PCOLCE2: variants seen among roughly 807,000 people sequenced by gnomAD.
PCOLCE2 encodes procollagen C-endopeptidase enhancer 2, also known as procollagen C-proteinase enhancer 2.
In PCOLCE2, 42 loss-of-function variants were observed where a neutral mutation model predicts 47.0. That is an observed-to-expected ratio of 0.89 (90% CI 0.70 to 1.16). The LOEUF (loss-of-function observed/expected upper bound fraction) is 1.16. Among genes scored for constraint, PCOLCE2 ranks in the 50% most tolerant of loss-of-function variants. The pLI is 0.00. For synonymous variants in PCOLCE2, 169 were observed against 191.7 expected, an observed-to-expected ratio of 0.88 and a Z score of 0.98; for missense variants, 500 against 526.1, an observed-to-expected ratio of 0.95 and a Z score of 0.49.
At chr3:142,835,218 GC>G (rs1937189540) in intron 5 of PCOLCE2, among the ~76,000 whole-genome samples, 1 of 151,622 alleles carries the variant, frequency 6.6e-6, no homozygotes, top group African/African-American at 2.4e-5. Context: ...TTGTAGATCT[GC>G]CTTTCTTAAT....
chr3:142,841,866 A>T (rs1377742685), intron 4 of PCOLCE2, among the ~76,000 whole-genome samples: 1 of 152,210 alleles, frequency 6.6e-6, no homozygotes, highest in Non-Finnish European at 1.5e-5. Context: ...TGTTTCTAAT[A>T]GTAATAATTT....
chr3:142,841,006 T>C (rs1438099066), intron 4 of PCOLCE2, among the ~76,000 whole-genome samples: 2 of 139,788 alleles, frequency 1.4e-5, no homozygotes, highest in South Asian at 2.2e-4. Flanking sequence ...ACCCGGGAGG[T>C]GGAAGTTGCA....
chr3:142,848,340 T>G lies in PCOLCE2; in HGVS notation c.325A>C (p.Thr109Pro). The G allele has an allele frequency of 6.2e-7, 1 of 1,614,216 alleles. No homozygotes were observed. The highest frequency in any genetic ancestry group is 8.5e-7 in the Non-Finnish European group (1 of 1,180,036). ...NGQRIGRFCG[T>P]FRPGALVSSG... ...GACACAAGGGCTCCAGGCCGGAAAG[T>G]GCCACAGAAGCGGCCAATGCGCTGG... The change falls in exon 3 of 9, where the codon ACT becomes CCT. Residue 109 changes from threonine to proline, a missense_variant. Coordinates refer to ENST00000295992, the MANE Select transcript of PCOLCE2 (RefSeq NM_013363.4).
In PCOLCE2 at chr3:142,842,353, A is replaced by G. The variant is rs16852706; in HGVS notation, c.573+571T>C. 0.33 allele frequency among the ~76,000 whole-genome samples: 50,273 copies of G among 151,996 alleles called. 9,006 individuals carry two copies. The highest frequency in any genetic ancestry group is 0.48 in the African/African-American group (19,748 of 41,436). ...CTGCAGGGTTAAACAATCCTATGTG[A>G]GATCTGCTTACCATTTGTATTTTTA... On this transcript the variant is annotated intron_variant, in intron 4 of 8. Coordinates refer to ENST00000295992, the MANE Select transcript of PCOLCE2 (RefSeq NM_013363.4). The surrounding 1 kb of genome is among the most constrained non-coding windows in gnomAD (Gnocchi z 4.1).
At chr3:142,845,790 C>T (rs1173068822) in intron 3 of PCOLCE2, among the ~76,000 whole-genome samples, 3 of 152,180 alleles carry the variant, frequency 2.0e-5, no homozygotes, top group African/African-American at 4.8e-5. Flanking sequence ...GCCTGGCCAA[C>T]ATGGTGAAAC....
At chr3:142,868,773 AC>A (rs1456481986) in intron 2 of PCOLCE2, among the ~76,000 whole-genome samples, 1 of 152,082 alleles carries the variant, frequency 6.6e-6, no homozygotes, top group Non-Finnish European at 1.5e-5. Context: ...AGGGATAAGA[AC>A]CCCTTCCCCT....
At chr3:142,879,349 A>T (rs1933559642) in intron 2 of PCOLCE2, among the ~76,000 whole-genome samples, 1 of 152,222 alleles carries the variant, frequency 6.6e-6, no homozygotes, top group Admixed American at 6.5e-5. Flanking sequence ...ACACAGCACT[A>T]AAAATACAAG....
intron 6 of PCOLCE2, among the ~76,000 whole-genome samples, chr3:142,823,927 T>A (rs1937044026): frequency 6.6e-6 from 1 of 152,226 alleles, no homozygotes; most frequent in Non-Finnish European, 1.5e-5. Context: ...ACTCTGAGTG[T>A]GTGCCCTGTT....
chr3:142,875,864 T>C (rs1254568752), intron 2 of PCOLCE2, among the ~76,000 whole-genome samples: 1 of 152,044 alleles, frequency 6.6e-6, no homozygotes, highest in Admixed American at 6.6e-5. Flanking sequence ...AAACCAAACA[T>C]AAAGAAGCAA....
At chr3:142,843,088 G>GT in intron 3 of PCOLCE2, 40 bp from the exon 4 acceptor site, 1 of 1,599,890 alleles carries the variant, frequency 6.3e-7, no homozygotes, top group African/African-American at 1.3e-5. Context: ...ACAAGTTTAT[G>GT]TAGGTTACAG....
chr3:142,866,845 A>C (rs527645283), intron 2 of PCOLCE2, among the ~76,000 whole-genome samples: 1 of 152,372 alleles, frequency 6.6e-6, no homozygotes, highest in South Asian at 2.1e-4. Flanking sequence ...CCAGACCTGC[A>C]AGCATTGACA....
At chr3:142,869,814 T>C (rs1486951313) in intron 2 of PCOLCE2, among the ~76,000 whole-genome samples, 2 of 152,342 alleles carry the variant, frequency 1.3e-5, no homozygotes, top group East Asian at 1.9e-4. Flanking sequence ...CATGTAATGA[T>C]TGATGCCTTA....
rs1032298158 is a variant in PCOLCE2, at chr3:142,818,156, A to T, written c.*179T>A. On this transcript the variant is annotated 3_prime_UTR_variant, in exon 9 of 9. Coordinates refer to ENST00000295992, the MANE Select transcript of PCOLCE2 (RefSeq NM_013363.4). The stretch of plus-strand genomic sequence containing the variant: ...GCTGCTCCTCTGACAGCAGGCAAAG[A>T]ACTTCCCTCAGCTATCTCGGAGGCC... 6 of 525,502 alleles carry T rather than the reference A, an allele frequency of 1.1e-5. No individual in the cohort carries two copies. The highest frequency in any genetic ancestry group is 9.6e-5 in the African/African-American group (5 of 51,882). The allele number at this position is 525,502 out of a possible 1,614,324, so 32.6% of individuals were successfully genotyped here.
rs114497021 is a variant in PCOLCE2, at chr3:142,882,616, G to A, written c.192+5053C>T. The stretch of plus-strand genomic sequence containing the variant: ...TTTAGAGAAGAGGTCTCACTCTGTC[G>A]CCCAGCCTGGAGTGCAACGGTGTAA... On this transcript the variant is annotated intron_variant, in intron 2 of 8. Coordinates refer to ENST00000295992, the MANE Select transcript of PCOLCE2 (RefSeq NM_013363.4). 9.2e-3 allele frequency among the ~76,000 whole-genome samples: 1,395 copies of A among 151,050 alleles called. 15 individuals are homozygous for A. Among genetic ancestry groups the A allele is most frequent in the African/African-American group, 0.033 (1,328 of 40,646 alleles).
At chr3:142,845,692 G>A (rs980623732) in intron 3 of PCOLCE2, among the ~76,000 whole-genome samples, 4 of 152,188 alleles carry the variant, frequency 2.6e-5, no homozygotes, top group African/African-American at 9.7e-5. Flanking sequence ...TACTGTGACA[G>A]GCCAGGGGCG....
intron 2 of PCOLCE2, among the ~76,000 whole-genome samples, chr3:142,885,723 G>A (rs1028956982): frequency 6.6e-6 from 1 of 152,144 alleles, no homozygotes; most frequent in African/African-American, 2.4e-5. Flanking sequence ...TGGTCTCTCT[G>A]CCTCTACTCT....
At position 142,863,660 on chromosome 3, in the gene PCOLCE2, G is replaced by C. The variant is rs144839660; in HGVS notation, c.193-15188C>G. 9.1e-4 allele frequency among the ~76,000 whole-genome samples: 139 copies of C among 152,260 alleles called. 1 individual carries two copies. Among genetic ancestry groups the C allele is most frequent in the Middle Eastern group, 3.4e-3 (1 of 294 alleles). ...AGAGGTGCCAGAAGCAACAACCCGA[G>C]GGCACATCCTTGGGATGGTGGTTAG... On this transcript the variant is annotated intron_variant, in intron 2 of 8. Coordinates refer to ENST00000295992, the MANE Select transcript of PCOLCE2 (RefSeq NM_013363.4).
At chr3:142,879,822 T>C (rs1244144007) in intron 2 of PCOLCE2, among the ~76,000 whole-genome samples, 1 of 151,470 alleles carries the variant, frequency 6.6e-6, no homozygotes, top group Non-Finnish European at 1.5e-5. Context: ...TACAAAAAAT[T>C]AGGCAGGCGT....
chr3:142,867,190 C>G (rs1356777437), intron 2 of PCOLCE2, among the ~76,000 whole-genome samples: 1 of 152,120 alleles, frequency 6.6e-6, no homozygotes, highest in Admixed American at 6.5e-5. Flanking sequence ...TTAGACCTCC[C>G]TCTGTAGAGG....
Sources: allele counts gnomAD v4.1 joint callset (sites outside exome capture counted in the v4.1 genomes callset), GRCh38; gene constraint gnomAD v4.1.1; non-coding constraint Gnocchi (gnomAD v3.1); transcripts MANE v1.5; gene names NCBI Gene and HGNC (gene_info 2026-07-23, HGNC 2026-07-21).